The following IPO7 variants were observed in gnomAD, a reference collection of about 807,000 sequenced individuals.
IPO7 encodes the protein importin-7.
In IPO7, 13 loss-of-function variants were observed where a neutral mutation model predicts 136.4. The ratio of observed to expected loss-of-function variants is 0.10; its 90% CI spans 0.06 to 0.15. IPO7 has a LOEUF of 0.15. Ranked by LOEUF, IPO7 falls within the 10% of genes least tolerant of loss-of-function variation. IPO7 has a pLI of 1.00. For synonymous variants in IPO7, 403 were observed against 404.4 expected, an observed-to-expected ratio of 1.00 and a Z score of 0.04; for missense variants, 857 against 1,240.6, an observed-to-expected ratio of 0.69 and a Z score of 4.65.
intron 1 of IPO7, among the ~76,000 whole-genome samples, chr11:9,395,339 G>A (rs1363824195): frequency 1.3e-5 from 2 of 152,010 alleles, no homozygotes; most frequent in Non-Finnish European, 2.9e-5. Context: ...CACCTCCCAG[G>A]TTCAAGCCAT....
intron 1 of IPO7, among the ~76,000 whole-genome samples, chr11:9,390,360 T>A (rs1353823931): frequency 6.6e-6 from 1 of 152,120 alleles, no homozygotes; most frequent in East Asian, 1.9e-4. Context: ...GGTTAACTAT[T>A]ACTGCTGTAT....
rs767069462 is a variant in IPO7, at chr11:9,448,009, T to C, written c.*2815T>C. The C allele has an allele frequency of 6.6e-6, 1 of 152,162 alleles. No homozygotes were observed. Among genetic ancestry groups the C allele is most frequent in the Non-Finnish European group, 1.5e-5 (1 of 68,032 alleles). The allele number at this position is 152,162 out of a possible 1,614,324, so 9.4% of individuals were successfully genotyped here. A position where few individuals can be genotyped will look rare whatever the true frequency, so the allele number is the denominator to read the frequency against. ...TAAAAATTAAATTAATATGGAAAGT[T>C]AAAAAATGGATTACATTAGTATGAC... On this transcript the variant is annotated 3_prime_UTR_variant, in exon 25 of 25. Transcript: ENST00000379719.
In IPO7 at chr11:9,424,733, C is replaced by T. The variant is rs147763914; in HGVS notation, c.1142-181C>T. Among the ~76,000 whole-genome samples, 658 of 152,314 alleles carry T rather than the reference C, an allele frequency of 4.3e-3. 4 individuals are homozygous for T. Among genetic ancestry groups the T allele is most frequent in the African/African-American group, 0.015 (632 of 41,580 alleles). ...CTCCAGCCTGAGTGACAGAGCGAGACTCCATCTCAAAACAAACAAAAGCAT... is the reference window on the plus strand; with the variant it reads ...CTCCAGCCTGAGTGACAGAGCGAGATTCCATCTCAAAACAAACAAAAGCAT... On this transcript the variant is annotated intron_variant, in intron 10 of 24. Transcript: ENST00000379719.
At chr11:9,397,543 C>G (rs1270169619) in intron 1 of IPO7, among the ~76,000 whole-genome samples, 1 of 150,292 alleles carries the variant, frequency 6.7e-6, no homozygotes, top group Admixed American at 6.7e-5. Flanking sequence ...TTTTGTTGTT[C>G]CAACATGGCT....
At chr11:9,443,300 G>C (rs879283111) in intron 24 of IPO7, among the ~76,000 whole-genome samples, 4 of 152,110 alleles carry the variant, frequency 2.6e-5, no homozygotes, top group Admixed American at 6.6e-5. Context: ...TGTTAAAAAT[G>C]TAAACACCTA....
chr11:9,439,209 G>A (rs922567743), intron 22 of IPO7, among the ~76,000 whole-genome samples: 6 of 152,090 alleles, frequency 3.9e-5, no homozygotes, highest in African/African-American at 7.2e-5. Flanking sequence ...TCTGCCTCCC[G>A]GGTTCAAGCA....
chr11:9,425,568 C>G (rs1855192262), intron 12 of IPO7, among the ~76,000 whole-genome samples: 1 of 152,124 alleles, frequency 6.6e-6, no homozygotes, highest in African/African-American at 2.4e-5. Flanking sequence ...TGGTGAAACC[C>G]CGTCTCTACT....
intron 1 of IPO7, chr11:9,392,120 C>T: frequency 2.8e-6 from 1 of 359,970 alleles, no homozygotes; most frequent in South Asian, 2.2e-5. Context: ...CCTCACTATG[C>T]CTTATATTTC....
chr11:9,429,947 C>T (rs920332469), intron 15 of IPO7, 113 bp downstream of exon 15: 13 of 671,508 alleles, frequency 1.9e-5, no homozygotes, highest in Non-Finnish European at 3.1e-5. Context: ...CTTTTTGGCA[C>T]CTGGGATCGG....
chr11:9,403,047 G>C (rs1043154807), intron 1 of IPO7: 1 of 426,480 alleles, frequency 2.3e-6, no homozygotes, highest in Non-Finnish European at 4.1e-6. Context: ...AAGAATGCTA[G>C]TTGGGATAAA....
chr11:9,401,677 T>A (rs1854798755), intron 1 of IPO7, among the ~76,000 whole-genome samples: 1 of 152,278 alleles, frequency 6.6e-6, no homozygotes, highest in Admixed American at 6.5e-5. Context: ...AATTTAAAAA[T>A]TTTAAAATGT....
intron 5 of IPO7, 161 bp downstream of exon 5, chr11:9,414,572 T>A: frequency 7.5e-6 from 2 of 267,910 alleles, no homozygotes; most frequent in East Asian, 7.5e-5. Flanking sequence ...ATTATAAGTC[T>A]AAACAAGCAT....
At position 9,442,017 on chromosome 11, in the gene IPO7, T is replaced by G. The variant is rs1032295786; in HGVS notation, c.2903-64T>G. The G allele has an allele frequency of 6.1e-5, 47 of 774,658 alleles. No individual in the cohort carries two copies. The Middle Eastern group carries it at 7.1e-4, about 12-fold the overall frequency. 48.0% of individuals were successfully genotyped at this position (774,658 alleles called of 1,614,324 possible). On this transcript the variant is annotated intron_variant, in intron 23 of 24. Coordinates refer to ENST00000379719, the MANE Select transcript of IPO7 (RefSeq NM_006391.3). The stretch of plus-strand genomic sequence containing the variant: ...TCGGGATGGAGTAGGAGGAATAGTG[T>G]AGAACGGAGCTACCAAGCCTCTCTT...
In IPO7 at chr11:9,397,332, TTAAA is replaced by T. The variant is rs1391045369; in HGVS notation, c.85-5957_85-5954del. 6.6e-4 allele frequency among the ~76,000 whole-genome samples: 8 copies of T among 12,136 alleles called. 2 individuals are homozygous for T. The highest frequency in any genetic ancestry group is 2.1e-3 in the African/African-American group (8 of 3,876). 8.0% of individuals were successfully genotyped at this position (12,136 alleles called of 152,430 possible). A position where few individuals can be genotyped will look rare whatever the true frequency, so the allele number is the denominator to read the frequency against. ...AAACCCCGTCTTTACTAAAAATAATTTAAAAAAAAATATATATATATATATATAT... is the reference window on the plus strand; with the variant it reads ...AAACCCCGTCTTTACTAAAAATAATTAAAAAATATATATATATATATATAT... On this transcript the variant is annotated intron_variant, in intron 1 of 24. Transcript: ENST00000379719.
chr11:9,442,773 A>G (rs1855476521), intron 24 of IPO7, among the ~76,000 whole-genome samples: 1 of 151,888 alleles, frequency 6.6e-6, no homozygotes, highest in Non-Finnish European at 1.5e-5. Flanking sequence ...CTGTAATTCC[A>G]GCACTTTGGG....
At chr11:9,397,341 A>AAAAAAAAAAATATATATATAT in intron 1 of IPO7, among the ~76,000 whole-genome samples, 21 of 10,760 alleles carry the variant, frequency 2.0e-3, no homozygotes, top group Non-Finnish European at 2.4e-3. Flanking sequence ...TTTAAAAAAA[A>AAAAAAAAAAATATATATATAT]ATATATATAT....
chr11:9,405,328 C>T (rs1854866768), intron 2 of IPO7, among the ~76,000 whole-genome samples: 1 of 152,050 alleles, frequency 6.6e-6, no homozygotes, highest in East Asian at 1.9e-4. Flanking sequence ...GCGCCCGCCA[C>T]CACGCCCGGC....
chr11:9,432,883 C>T (rs910088833), intron 16 of IPO7, among the ~76,000 whole-genome samples: 1 of 151,916 alleles, frequency 6.6e-6, no homozygotes, highest in Admixed American at 6.6e-5. Context: ...AGCAATAATG[C>T]CTTCCTTCGG....
chr11:9,384,971 G>A (rs1854530443), intron 1 of IPO7, 124 bp downstream of exon 1: 2 of 711,160 alleles, frequency 2.8e-6, no homozygotes, highest in Middle Eastern at 3.1e-4. Flanking sequence ...AGGGTGGGGC[G>A]GACATCTGAC....
Sources: allele counts gnomAD v4.1 joint callset (sites outside exome capture counted in the v4.1 genomes callset), GRCh38; gene constraint gnomAD v4.1.1; transcripts MANE v1.5; gene names NCBI Gene and HGNC (gene_info 2026-07-23, HGNC 2026-07-21).